The following GFM2 variants were observed in gnomAD, a reference collection of about 807,000 sequenced individuals.
GFM2 encodes ribosome-releasing factor 2, mitochondrial.
Under a neutral mutation model 95.4 loss-of-function variants are expected in GFM2, and 72 were observed. The observed-to-expected ratio is 0.76, with a 90% CI of 0.62 to 0.92. The LOEUF (loss-of-function observed/expected upper bound fraction) is 0.92, where lower values mean the gene tolerates loss of function less well. Ranked by LOEUF, GFM2 falls within the 40% of genes least tolerant of loss-of-function variation. The probability of loss-of-function intolerance (pLI) is 0.00; values close to 1 mark genes in which losing one functional copy is unlikely to be tolerated. For missense variants in GFM2, 825 were observed against 924.1 expected (o/e 0.89, Z 1.39); for synonymous variants, 276 against 317.5 (o/e 0.87, Z 1.39).
In GFM2 at chr5:74,741,529, C is replaced by A; in HGVS notation, c.930G>T (p.Lys310Asn). Residue 310 changes from lysine (K) to asparagine (N), a missense_variant and splice_region_variant, in exon 11 of 21, where the codon AAG becomes AAT. Physicochemically the swap from Lys to Asn is moderately conservative, Grantham distance 94 (BLOSUM62 0). Coordinates refer to ENST00000296805, the MANE Select transcript of GFM2 (RefSeq NM_032380.5). ...AAAGCCATTGAATAATAAAATTTAC[C>A]TTTTCAGCTGGTAACAAATCAAAAT... ...SENFDLLPAEKLQTAIHRVTL... is the reference protein window; with the variant it reads ...SENFDLLPAENLQTAIHRVTL... 6.8e-7 allele frequency: 1 copy of A among 1,470,008 alleles called. No individual in the cohort carries two copies. Among genetic ancestry groups the A allele is most frequent in the African/African-American group, 1.4e-5 (1 of 71,090 alleles). The allele number at this position is 1,470,008 out of a possible 1,614,324, so 91.1% of individuals were successfully genotyped here.
chr5:74,728,279 A>G (rs997291598), intron 17 of GFM2, among the ~76,000 whole-genome samples: 8 of 152,322 alleles, frequency 5.3e-5, no homozygotes, highest in African/African-American at 1.9e-4. Flanking sequence ...TAAACAGTCA[A>G]TTAACACGTT....
In GFM2 at chr5:74,745,729, A is replaced by T. The variant is rs771614645; in HGVS notation, c.798T>A (p.Asp266Glu). Residue 266 changes from aspartate to glutamate, a missense_variant, in exon 10 of 21, where the codon GAT becomes GAA. Physicochemically the swap from Asp to Glu is conservative, Grantham distance 45. Transcript: ENST00000296805. ...FERKPLLEMN[D>E]PELLKETTEA... is the part of the protein sequence containing the mutation. ...CAGTTGTTTCCTTCAGCAATTCAGG[A>T]TCATTCATTTCCAAGAGGGGCTTTC... is the stretch of plus-strand genomic sequence containing the variant. 4.3e-6 allele frequency: 7 copies of T among 1,613,794 alleles called. No homozygotes were observed. In the African/African-American group the frequency reaches 9.3e-5, roughly 22 times the overall value.
chr5:74,752,555 T>C (rs1351900807), intron 5 of GFM2, among the ~76,000 whole-genome samples: 4 of 152,092 alleles, frequency 2.6e-5, no homozygotes, highest in African/African-American at 9.7e-5. Context: ...CCAAAGAAAA[T>C]AGTATCATTA....
At chr5:74,724,186 T>G (rs1405974172) in intron 19 of GFM2, among the ~76,000 whole-genome samples, 2 of 152,142 alleles carry the variant, frequency 1.3e-5, no homozygotes, top group Non-Finnish European at 2.9e-5. Context: ...AAAAGGCAAA[T>G]GAACATGGAA....
At chr5:74,752,338 T>C (rs1580008723) in intron 5 of GFM2, among the ~76,000 whole-genome samples, 1 of 152,300 alleles carries the variant, frequency 6.6e-6, no homozygotes, top group East Asian at 1.9e-4. Context: ...TATACTACCA[T>C]TTATTTCAGC....
chr5:74,764,424 C>CT (rs1332907063), intron 1 of GFM2, among the ~76,000 whole-genome samples: 3 of 152,220 alleles, frequency 2.0e-5, no homozygotes, highest in Non-Finnish European at 4.4e-5. Flanking sequence ...CTGCAGGCCA[C>CT]ATGCGGCCCA....
rs184439041 is a variant in GFM2, at chr5:74,748,371, T to C, written c.520-591A>G. Among the ~76,000 whole-genome samples the C allele has an allele frequency of 2.2e-4, 33 of 152,324 alleles. 1 individual carries two copies. The highest frequency in any genetic ancestry group is 5.9e-4 in the Admixed American group (9 of 15,300). On this transcript the variant is annotated intron_variant, in intron 7 of 20. Transcript: ENST00000296805. ...TGTAACTACTACCCCACTTAGAACA[T>C]AGAACATTCTGTTACTCCTGAAATT...
intron 12 of GFM2, among the ~76,000 whole-genome samples, chr5:74,739,748 A>G (rs1457951484): frequency 6.6e-6 from 1 of 152,158 alleles, no homozygotes; most frequent in African/African-American, 2.4e-5. Flanking sequence ...CAGGGTCAAC[A>G]CTTACACTTT....
chr5:74,721,858 G>A, intron 20 of GFM2, 75 bp from the exon 21 acceptor site: 1 of 1,390,800 alleles, frequency 7.2e-7, no homozygotes, highest in Non-Finnish European at 9.8e-7. Context: ...ATTATCTTTT[G>A]ACTATTAGGG....
At chr5:74,764,145 T>C (rs1394682673) in intron 1 of GFM2, among the ~76,000 whole-genome samples, 2 of 152,236 alleles carry the variant, frequency 1.3e-5, no homozygotes, top group African/African-American at 4.8e-5. Flanking sequence ...TAATTTCTAA[T>C]TGGCAGTAAA....
chr5:74,738,869 T>TC (rs1742974772), intron 12 of GFM2, among the ~76,000 whole-genome samples: 1 of 152,148 alleles, frequency 6.6e-6, no homozygotes, highest in East Asian at 1.9e-4. Context: ...TTCCAAATAT[T>TC]ACTTCTATTT....
At chr5:74,733,182 GCAAA>G in intron 15 of GFM2, 84 bp from the exon 16 acceptor site, 1 of 1,011,748 alleles carries the variant, frequency 9.9e-7, no homozygotes, top group South Asian at 1.4e-5. Context: ...AGATGGATAA[GCAAA>G]CAAATTTTGA....
At chr5:74,738,690 A>T (rs1742964542) in intron 12 of GFM2, 48 bp from the exon 13 acceptor site, 2 of 1,536,808 alleles carry the variant, frequency 1.3e-6, no homozygotes, top group Non-Finnish European at 1.8e-6. Context: ...ACTTCCCATA[A>T]CTGCAGAAAC....
At position 74,721,613 on chromosome 5, in the gene GFM2, GT is replaced by G; in HGVS notation, c.*41del. On this transcript the variant is annotated 3_prime_UTR_variant, in exon 21 of 21. Transcript: ENST00000296805. Reference sequence around the variant, plus strand: ...AAAAATTGTTCTTACTGAAAATGAAGTAGCTAGGTGCTCCTGAATTTCTCTC... The same window carrying G: ...AAAAATTGTTCTTACTGAAAATGAAGAGCTAGGTGCTCCTGAATTTCTCTC... 6.3e-7 allele frequency: 1 copy of G among 1,590,346 alleles called. No homozygotes were observed.
chr5:74,761,028 G>T, intron 2 of GFM2, 42 bp from the exon 3 acceptor site: 2 of 1,113,778 alleles, frequency 1.8e-6, no homozygotes, highest in South Asian at 1.3e-5. Context: ...TTTTATTTTA[G>T]CATCACTTAT....
intron 10 of GFM2, among the ~76,000 whole-genome samples, chr5:74,742,164 C>T (rs72764647): frequency 0.16 from 24,462 of 151,808 alleles, 2,389 homozygotes; most frequent in African/African-American, 0.28. Flanking sequence ...CATGACCATC[C>T]GACTATACGA....
At chr5:74,750,375 C>G (rs1358242718) in intron 7 of GFM2, among the ~76,000 whole-genome samples, 3 of 152,148 alleles carry the variant, frequency 2.0e-5, no homozygotes, top group Admixed American at 6.5e-5. Flanking sequence ...TTCTTGACAC[C>G]AGCTTTCCTA....
chr5:74,750,753 G>A (rs1743656525), intron 6 of GFM2, 86 bp from the exon 7 acceptor site: 1 of 906,964 alleles, frequency 1.1e-6, no homozygotes, highest in African/African-American at 1.7e-5. Flanking sequence ...TCCTGGGGAG[G>A]GGTGTGTGTG....
At chr5:74,756,455 G>GCAAAAA (rs1378773619) in intron 5 of GFM2, among the ~76,000 whole-genome samples, 4 of 152,142 alleles carry the variant, frequency 2.6e-5, no homozygotes, top group Admixed American at 6.5e-5. Context: ...ATTTGGGCTG[G>GCAAAAA]TTCCATATTT....
Sources: gnomAD v4.1 joint callset for allele counts (sites outside exome capture counted in the v4.1 genomes callset) on GRCh38, gnomAD v4.1.1 for gene constraint, MANE v1.5 for transcripts, NCBI Gene and HGNC (gene_info 2026-07-23, HGNC 2026-07-21) for gene names.